The following CRYBG1 variants were observed in gnomAD, a reference collection of about 807,000 sequenced individuals.
CRYBG1 encodes the protein crystallin beta-gamma domain containing 1.
Under a neutral mutation model 189.2 loss-of-function variants are expected in CRYBG1, and 139 were observed. The ratio of observed to expected loss-of-function variants is 0.73; its 90% CI spans 0.64 to 0.85. CRYBG1 has a LOEUF of 0.85. Ranked by LOEUF, CRYBG1 falls within the 40% of genes least tolerant of loss-of-function variation. The pLI is 0.00. For missense variants in CRYBG1, 2,611 were observed against 2,675.8 expected (o/e 0.98, Z 0.53); for synonymous variants, 1,023 against 1,017.1 (o/e 1.01, Z -0.11).
rs1043555972 is a variant in CRYBG1 at position 106,518,870 on chromosome 6, G to C, written c.1923-261G>C. ...GCTACCTGGGAGGCTGAAGCAGGAG[G>C]ATTGCCTGAGCCCAGGAGTTCGAGG... is the stretch of plus-strand genomic sequence containing the variant. On this transcript the variant is annotated intron_variant, in intron 3 of 21. Transcript: ENST00000633556. 2.3e-4 allele frequency among the ~76,000 whole-genome samples: 35 copies of C among 152,052 alleles called. 1 individual carries two copies. The highest frequency in any genetic ancestry group is 4.9e-4 in the Non-Finnish European group (33 of 68,012).
At chr6:106,418,857 C>T (rs1270998447) in intron 1 of CRYBG1, among the ~76,000 whole-genome samples, 2 of 152,290 alleles carry the variant, frequency 1.3e-5, no homozygotes, top group East Asian at 3.9e-4. Context: ...GAGAGGGGCA[C>T]CCGAGTGGGT....
rs1403876731 is a variant in CRYBG1 at position 106,511,676 on chromosome 6, C to T, written c.559C>T (p.Arg187Trp). The T allele has an allele frequency of 3.3e-6, 5 of 1,535,586 alleles. No homozygotes were observed. Among genetic ancestry groups the T allele is most frequent in the East Asian group, 4.9e-5 (2 of 40,904 alleles). ...QTDTSEEGSP[R>W]ENPREAEGEL... ...GGACACAAGCGAGGAGGGCTCCCCG[C>T]GGGAGAATCCCCGAGAGGCAGAGGG... The change falls in exon 3 of 22, where the codon CGG becomes TGG. Residue 187 changes from arginine to tryptophan, a missense_variant. By Grantham distance (101) the Arg-to-Trp change is moderately radical. Coordinates refer to ENST00000633556, the MANE Select transcript of CRYBG1 (RefSeq NM_001371242.2).
At chr6:106,491,483 T>C (rs959170967) in intron 2 of CRYBG1, among the ~76,000 whole-genome samples, 1 of 152,200 alleles carries the variant, frequency 6.6e-6, no homozygotes, top group South Asian at 2.1e-4. Flanking sequence ...CCATTTCCAC[T>C]GAGAAATATT....
At chr6:106,548,170 A>C (rs1774308301) in intron 13 of CRYBG1, among the ~76,000 whole-genome samples, 1 of 152,176 alleles carries the variant, frequency 6.6e-6, no homozygotes, top group Non-Finnish European at 1.5e-5. Context: ...TCATGTGTAC[A>C]GAATACATCT....
Position 106,538,988 on chromosome 6 carries a change from CTTAACT to C in CRYBG1, c.4719-411_4719-406del, listed in dbSNP as rs554540595. On this transcript the variant is annotated intron_variant, in intron 8 of 21. Coordinates refer to ENST00000633556, the MANE Select transcript of CRYBG1 (RefSeq NM_001371242.2). ...TAGCTGTGTGGCCTTGGGCAACTTA[CTTAACT>C]TTATCTATAAAATGGGGACAATAGC... Among the ~76,000 whole-genome samples, 66 of 152,126 alleles carry C rather than the reference CTTAACT, an allele frequency of 4.3e-4. 3 individuals are homozygous for C. The highest frequency in any genetic ancestry group is 3.5e-3 in the Admixed American group (54 of 15,272).
At chr6:106,522,893 A>C (rs1157071787) in intron 4 of CRYBG1, among the ~76,000 whole-genome samples, 1 of 152,190 alleles carries the variant, frequency 6.6e-6, no homozygotes, top group African/African-American at 2.4e-5. Flanking sequence ...ACTTTCATAA[A>C]GTTTGGGTTT....
Position 106,520,608 on chromosome 6 carries a change from C to T in CRYBG1, c.3400C>T (p.Pro1134Ser). ...AAAGAAGGCCAGGATGCCAAACTCT[C>T]CTGCTCCTCACTTTGCCATGCCTCC... ...KRKKARMPNS[P>S]APHFAMPPIH... Residue 1134 changes from proline to serine, a missense_variant, in exon 4 of 22, where the codon CCT becomes TCT. Coordinates refer to ENST00000633556, the MANE Select transcript of CRYBG1 (RefSeq NM_001371242.2). The T allele has an allele frequency of 1.2e-6, 2 of 1,614,204 alleles. No homozygotes were observed. Among genetic ancestry groups the T allele is most frequent in the South Asian group, 2.2e-5 (2 of 91,078 alleles).
At position 106,520,734 on chromosome 6, in the gene CRYBG1, C is replaced by T; in HGVS notation, c.3526C>T (p.His1176Tyr). The T allele has an allele frequency of 2.5e-6, 4 of 1,614,160 alleles. No individual in the cohort carries two copies. Among genetic ancestry groups the T allele is most frequent in the South Asian group, 1.1e-5 (1 of 91,082 alleles). ...ESQPEMSPAL[H>Y]LMQNLDTKSK... is the part of the protein sequence containing the mutation. ...TCAGCCAGAAATGTCACCGGCTTTA[C>T]ATTTGATGCAGAACCTTGACACAAA... The change falls in exon 4 of 22, where the codon CAT becomes TAT. Residue 1176 changes from histidine (H) to tyrosine (Y), a missense_variant. This residue lies in a region of CRYBG1 where 1,622 missense variants were observed against 1,735.0 expected (regional missense o/e 0.93). Coordinates refer to ENST00000633556, the MANE Select transcript of CRYBG1 (RefSeq NM_001371242.2).
chr6:106,441,620 C>T (rs1039636841), intron 1 of CRYBG1, among the ~76,000 whole-genome samples: 2 of 152,112 alleles, frequency 1.3e-5, no homozygotes, highest in African/African-American at 4.8e-5. Flanking sequence ...CAATTCTAGT[C>T]GCTACATAAG....
At chr6:106,386,073 G>T (rs985395615) in intron 1 of CRYBG1, among the ~76,000 whole-genome samples, 66 of 152,292 alleles carry the variant, frequency 4.3e-4, no homozygotes, top group African/African-American at 1.5e-3. Flanking sequence ...AGTTTTGAAG[G>T]TTTCATGGCT....
Position 106,505,578 on chromosome 6 carries a change from ATCTTCG to A in CRYBG1, c.313-5850_313-5845del, listed in dbSNP as rs555781868. ...TTTTTCTCCCCCTTCCCCATTCCCC[ATCTTCG>A]TTCTTTAGTTAGCTGTCACGAGTCT... is the stretch of plus-strand genomic sequence containing the variant. On this transcript the variant is annotated intron_variant, in intron 2 of 21. Coordinates refer to ENST00000633556, the MANE Select transcript of CRYBG1 (RefSeq NM_001371242.2). 1.9e-3 allele frequency among the ~76,000 whole-genome samples: 291 copies of A among 151,922 alleles called. 1 individual carries two copies. The highest frequency in any genetic ancestry group is 6.4e-3 in the African/African-American group (267 of 41,450).
Position 106,544,897 on chromosome 6 carries a change from G to A in CRYBG1, c.5276G>A (p.Gly1759Glu), listed in dbSNP as rs746957067. Reference protein sequence around the residue: ...IVANLKETGYGVKTQSINVLS... With the variant: ...IVANLKETGYEVKTQSINVLS... ...GCTAATTTAAAGGAGACTGGATATG[G>A]AGTGAAGACACAGTCTATTAATGTA... is the stretch of plus-strand genomic sequence containing the variant. Residue 1759 changes from glycine to glutamate, a missense_variant, in exon 13 of 22, where the codon GGA becomes GAA. Gly to Glu is a moderately conservative substitution (Grantham distance 98, BLOSUM62 -2). This residue lies in a region of CRYBG1 where 1,622 missense variants were observed against 1,735.0 expected (regional missense o/e 0.93). Coordinates refer to ENST00000633556, the MANE Select transcript of CRYBG1 (RefSeq NM_001371242.2). The A allele has an allele frequency of 1.2e-6, 2 of 1,613,002 alleles. No individual in the cohort carries two copies. The highest frequency in any genetic ancestry group is 3.3e-5 in the Admixed American group (2 of 59,792).
intron 1 of CRYBG1, among the ~76,000 whole-genome samples, chr6:106,389,978 T>G (rs1310794043): frequency 2.6e-5 from 4 of 152,148 alleles, no homozygotes; most frequent in Admixed American, 6.5e-5. Context: ...ATACTTTTTG[T>G]GTAAACCTTT....
At chr6:106,368,505 T>G (rs542221934) in intron 1 of CRYBG1, among the ~76,000 whole-genome samples, 1 of 152,272 alleles carries the variant, frequency 6.6e-6, no homozygotes, top group South Asian at 2.1e-4. Context: ...CTAATGCTTG[T>G]GAGGAGCTTA....
At chr6:106,527,790 T>G (rs11153001) in intron 7 of CRYBG1, among the ~76,000 whole-genome samples, 37,191 of 152,102 alleles carry the variant, frequency 0.24, 4,853 homozygotes, top group East Asian at 0.47. Context: ...TTATTTAGTG[T>G]TTTTGTTTGC....
chr6:106,360,988 A>C lies in CRYBG1; in HGVS notation c.80A>C (p.His27Pro). The C allele has an allele frequency of 6.5e-7, 1 of 1,534,796 alleles. No individual in the cohort carries two copies. The highest frequency in any genetic ancestry group is 8.7e-7 in the Non-Finnish European group (1 of 1,146,464). ...CRPPKKHTTF[H>P]LWRSKKKQQP... ...CCCCCTAAGAAGCACACCACCTTCC[A>C]CCTCTGGCGCTCCAAAAAGAAGCAG... The change falls in exon 1 of 22, where the codon CAC becomes CCC. Residue 27 changes from histidine (H) to proline (P), a missense_variant. Coordinates refer to ENST00000633556, the MANE Select transcript of CRYBG1 (RefSeq NM_001371242.2).
intron 1 of CRYBG1, among the ~76,000 whole-genome samples, chr6:106,450,619 T>G (rs1057366496): frequency 1.3e-5 from 2 of 152,216 alleles, no homozygotes; most frequent in Admixed American, 6.5e-5. Context: ...ACTCCAGAGA[T>G]AGGTAATTCT....
chr6:106,417,176 T>G lies in CRYBG1; in HGVS notation c.174-34518T>G, dbSNP rs1052719034. On this transcript the variant is annotated intron_variant, in intron 1 of 21. Coordinates refer to ENST00000633556, the MANE Select transcript of CRYBG1 (RefSeq NM_001371242.2). ...ACCACCATGCTCAGTTATTTTTTTTTAAAAGACAGGGTCTGACTAAAATTT... is the reference window on the plus strand; with the variant it reads ...ACCACCATGCTCAGTTATTTTTTTTGAAAAGACAGGGTCTGACTAAAATTT... Among the ~76,000 whole-genome samples the G allele has an allele frequency of 3.3e-5, 5 of 151,832 alleles. No homozygotes were observed. In the East Asian group the frequency reaches 9.7e-4, roughly 29 times the overall value.
intron 4 of CRYBG1, among the ~76,000 whole-genome samples, chr6:106,524,696 A>G (rs1200400593): frequency 6.6e-6 from 1 of 152,270 alleles, no homozygotes; most frequent in Non-Finnish European, 1.5e-5. Context: ...AACAATATTT[A>G]TATGGATTCA....
Sources: allele counts gnomAD v4.1 joint callset (sites outside exome capture counted in the v4.1 genomes callset), GRCh38; gene constraint gnomAD v4.1.1; regional missense constraint gnomAD v4.1.1; transcripts MANE v1.5; gene names NCBI Gene and HGNC (gene_info 2026-07-23, HGNC 2026-07-21).